WWTR1: variants seen among roughly 807,000 people sequenced by gnomAD.
WWTR1 encodes the protein WW domain-containing transcription regulator protein 1.
Under a neutral mutation model 40.1 loss-of-function variants are expected in WWTR1, and 13 were observed. The observed-to-expected ratio is 0.32, with a 90% CI of 0.21 to 0.52. The LOEUF (loss-of-function observed/expected upper bound fraction) is 0.52, where lower values mean the gene tolerates loss of function less well. WWTR1 is among the 20% of genes least tolerant of loss of function. The pLI, the probability that WWTR1 is intolerant of heterozygous loss-of-function variation, is 0.97. For synonymous variants in WWTR1, 230 were observed against 210.1 expected, an observed-to-expected ratio of 1.09 and a Z score of -0.82; for missense variants, 436 against 523.1, an observed-to-expected ratio of 0.83 and a Z score of 1.63.
At chr3:149,639,993 C>CAAAA (rs1215330406) in intron 2 of WWTR1, among the ~76,000 whole-genome samples, 34 of 75,666 alleles carry the variant, frequency 4.5e-4, no homozygotes, top group African/African-American at 6.1e-4. Flanking sequence ...GACTCCGTCT[C>CAAAA]AAAAAAAAAA....
At chr3:149,595,750 G>T (rs1285778609) in intron 2 of WWTR1, among the ~76,000 whole-genome samples, 2 of 151,910 alleles carry the variant, frequency 1.3e-5, no homozygotes, top group African/African-American at 2.4e-5. Context: ...CTCCATAATT[G>T]GGCGAGGCGC....
intron 5 of WWTR1, among the ~76,000 whole-genome samples, chr3:149,708,623 T>A (rs932422665): frequency 6.6e-6 from 1 of 152,242 alleles, no homozygotes; most frequent in African/African-American, 2.4e-5. Flanking sequence ...TCAAGGTTCA[T>A]CCATATTATA....
At chr3:149,646,367 G>A (rs1712532948) in intron 2 of WWTR1, among the ~76,000 whole-genome samples, 1 of 152,166 alleles carries the variant, frequency 6.6e-6, no homozygotes, top group African/African-American at 2.4e-5. Flanking sequence ...ACACAAGAGT[G>A]ACACACCCAA....
chr3:149,681,733 T>C (rs1034968358), intron 1 of WWTR1, among the ~76,000 whole-genome samples: 1 of 152,210 alleles, frequency 6.6e-6, no homozygotes, highest in Admixed American at 6.5e-5. Context: ...TAGAATATTA[T>C]TCAGCTTTAA....
chr3:149,647,877 A>G (rs189945545), intron 2 of WWTR1, among the ~76,000 whole-genome samples: 1 of 152,326 alleles, frequency 6.6e-6, no homozygotes, highest in Admixed American at 6.5e-5. Flanking sequence ...ATTTACTAGC[A>G]AAAGGTCAAT....
At chr3:149,689,698 A>G (rs902218331) in intron 1 of WWTR1, among the ~76,000 whole-genome samples, 4 of 152,168 alleles carry the variant, frequency 2.6e-5, no homozygotes, top group African/African-American at 9.6e-5. Flanking sequence ...AAGCTGAGGG[A>G]TTTTGTCAAT....
chr3:149,571,987 ATTCTC>A (rs774813491), intron 3 of WWTR1, among the ~76,000 whole-genome samples: 3 of 152,222 alleles, frequency 2.0e-5, no homozygotes, highest in African/African-American at 4.8e-5. Flanking sequence ...AGCAGAAAAT[ATTCTC>A]TTCTCAAGTC....
chr3:149,552,772 A>C (rs1450774802), intron 3 of WWTR1, among the ~76,000 whole-genome samples: 2 of 152,228 alleles, frequency 1.3e-5, no homozygotes, highest in Non-Finnish European at 2.9e-5. Context: ...AATGGTTCTC[A>C]AACTTTTCTT....
intron 1 of WWTR1, among the ~76,000 whole-genome samples, chr3:149,690,847 G>C (rs1714801045): frequency 1.3e-5 from 2 of 152,066 alleles, no homozygotes; most frequent in East Asian, 1.9e-4. Flanking sequence ...TCATTCTCAA[G>C]AACAGACCAT....
chr3:149,715,638 T>C (rs971570626), intron 5 of WWTR1, among the ~76,000 whole-genome samples: 1 of 152,062 alleles, frequency 6.6e-6, no homozygotes, highest in Non-Finnish European at 1.5e-5. Context: ...CTGAGAAAAC[T>C]TGGGCAAAGG....
intron 3 of WWTR1, among the ~76,000 whole-genome samples, chr3:149,564,535 G>A (rs897838372): frequency 1.4e-5 from 2 of 144,966 alleles, no homozygotes; most frequent in African/African-American, 2.6e-5. Context: ...TAATATAACC[G>A]CATTACAGAG....
chr3:149,599,057 G>T (rs1182330504), intron 2 of WWTR1, among the ~76,000 whole-genome samples: 1 of 152,086 alleles, frequency 6.6e-6, no homozygotes, highest in Non-Finnish European at 1.5e-5. Context: ...GACATGTTTG[G>T]ATTATATCAG....
chr3:149,668,467 G>A (rs540613234), intron 2 of WWTR1, among the ~76,000 whole-genome samples: 1 of 152,168 alleles, frequency 6.6e-6, no homozygotes, highest in East Asian at 1.9e-4. Flanking sequence ...AATTAGCCGG[G>A]CATGGTGGCG....
At chr3:149,704,198 A>G (rs1160338859), upstream of WWTR1, among the ~76,000 whole-genome samples, 2 of 152,122 alleles carry the variant, frequency 1.3e-5, no homozygotes, top group African/African-American at 2.4e-5. Context: ...AAATGTGTTT[A>G]CCCCCAAACC....
At chr3:149,574,175 C>T (rs1207134038) in intron 2 of WWTR1, among the ~76,000 whole-genome samples, 1 of 152,062 alleles carries the variant, frequency 6.6e-6, no homozygotes, top group Non-Finnish European at 1.5e-5. Flanking sequence ...GGACCACAGG[C>T]ACCTGCGACC....
chr3:149,633,754 G>A (rs1273505201), intron 2 of WWTR1, among the ~76,000 whole-genome samples: 4 of 152,080 alleles, frequency 2.6e-5, no homozygotes, highest in African/African-American at 9.7e-5. Flanking sequence ...GAGGGTCAGG[G>A]AAGAGGTGAG....
At chr3:149,575,409 A>T (rs1327968649) in intron 2 of WWTR1, among the ~76,000 whole-genome samples, 1 of 152,200 alleles carries the variant, frequency 6.6e-6, no homozygotes, top group Non-Finnish European at 1.5e-5. Flanking sequence ...CTATTAAAGC[A>T]GCATGTTTTC....
intron 1 of WWTR1, among the ~76,000 whole-genome samples, chr3:149,677,053 A>G (rs1180559306): frequency 6.6e-6 from 1 of 151,796 alleles, no homozygotes; most frequent in Admixed American, 6.6e-5. Flanking sequence ...AGTAGCTGGC[A>G]TTACAGGCAT....
intron 2 of WWTR1, among the ~76,000 whole-genome samples, chr3:149,598,875 A>G (rs1472004910): frequency 1.3e-5 from 2 of 152,232 alleles, no homozygotes; most frequent in African/African-American, 4.8e-5. Flanking sequence ...GTCAAAGAGC[A>G]TGAATGTTTT....
Sources: gnomAD v4.1 joint callset for allele counts (sites outside exome capture counted in the v4.1 genomes callset) on GRCh38, gnomAD v4.1.1 for gene constraint, MANE v1.5 for transcripts, NCBI Gene and HGNC (gene_info 2026-07-23, HGNC 2026-07-21) for gene names.